ZNF536: variants seen among roughly 807,000 people sequenced by gnomAD.
ZNF536 encodes the protein zinc finger protein 536.
ZNF536 carries 13 observed loss-of-function variants against 84.5 expected under a neutral mutation model. That is an observed-to-expected ratio of 0.15 (90% CI 0.10 to 0.24). ZNF536 has a LOEUF of 0.24. ZNF536 is among the 10% of genes least tolerant of loss of function. The pLI is 1.00. For synonymous variants in ZNF536, 811 were observed against 742.5 expected, an observed-to-expected ratio of 1.09 and a Z score of -1.50; for missense variants, 1,536 against 1,747.5, an observed-to-expected ratio of 0.88 and a Z score of 2.16.
At chr19:30,468,647 TG>T (rs1456438504) in intron 2 of ZNF536, among the ~76,000 whole-genome samples, 3 of 151,742 alleles carry the variant, frequency 2.0e-5, no homozygotes, top group Non-Finnish European at 4.4e-5. Flanking sequence ...TTGGGAGAGC[TG>T]GGAAGGCACG....
chr19:30,675,385 C>A (rs1414220813), intron 1 of ZNF536, among the ~76,000 whole-genome samples: 1 of 152,180 alleles, frequency 6.6e-6, no homozygotes, highest in Non-Finnish European at 1.5e-5. Flanking sequence ...TGAGCAGAGA[C>A]AGGTGAGAAA....
chr19:30,449,417 C>G (rs1488695856), intron 2 of ZNF536, among the ~76,000 whole-genome samples: 3 of 152,282 alleles, frequency 2.0e-5, no homozygotes, highest in East Asian at 3.9e-4. Flanking sequence ...GGGCTGAGCT[C>G]GAATCCTCGC....
At chr19:30,398,963 C>T (rs1022278429) in intron 1 of ZNF536, among the ~76,000 whole-genome samples, 2 of 152,190 alleles carry the variant, frequency 1.3e-5, no homozygotes, top group Non-Finnish European at 2.9e-5. Flanking sequence ...AATGGGATTT[C>T]TAGTTCTAGA....
In ZNF536 at chr19:30,548,713, G is replaced by A. The variant is rs1213516131; in HGVS notation, c.3094G>A (p.Asp1032Asn). ...CCACCTGGGCAAAGCGAAACGCAAAGATAACACCATCGGGGTCACAGTCAA... is the reference window on the plus strand; with the variant it reads ...CCACCTGGGCAAAGCGAAACGCAAAAATAACACCATCGGGGTCACAGTCAA... ...ANHLGKAKRKDNTIGVTVNCK... is the reference protein window; with the variant it reads ...ANHLGKAKRKNNTIGVTVNCK... Residue 1032 changes from aspartate to asparagine, a missense_variant, in exon 4 of 5, where the codon GAT (aspartate) becomes AAT (asparagine). Physicochemically the swap from Asp to Asn is conservative, Grantham distance 23. Coordinates refer to ENST00000355537, the MANE Select transcript of ZNF536 (RefSeq NM_014717.3). 7.4e-6 allele frequency: 12 copies of A among 1,613,880 alleles called. No homozygotes were observed. Among genetic ancestry groups the A allele is most frequent in the Admixed American group, 1.7e-5 (1 of 60,000 alleles).
chr19:30,238,587 C>T (rs952920424), intron 1 of ZNF536, among the ~76,000 whole-genome samples: 1 of 152,020 alleles, frequency 6.6e-6, no homozygotes, highest in Non-Finnish European at 1.5e-5. Context: ...AAGGAGGTCC[C>T]TTCATTCCTT....
intron 2 of ZNF536, among the ~76,000 whole-genome samples, chr19:30,298,549 G>A (rs114382906): frequency 1.5e-3 from 223 of 152,288 alleles, no homozygotes; most frequent in African/African-American, 5.0e-3. Context: ...GCAGAAGAAC[G>A]GTGTGCTGAC....
At chr19:30,512,815 C>T (rs542639001) in intron 2 of ZNF536, among the ~76,000 whole-genome samples, 6 of 152,216 alleles carry the variant, frequency 3.9e-5, no homozygotes, top group African/African-American at 1.4e-4. Context: ...GAATTACTTT[C>T]TAGCAATCTA....
chr19:30,638,861 CTCTT>C (rs1260038096), intron 1 of ZNF536, among the ~76,000 whole-genome samples: 3 of 152,230 alleles, frequency 2.0e-5, no homozygotes, highest in Admixed American at 6.5e-5. Flanking sequence ...TTCCAGCTAA[CTCTT>C]TCTTGAAGTA....
chr19:30,238,935 G>A (rs1292575352), intron 1 of ZNF536, among the ~76,000 whole-genome samples: 1 of 152,092 alleles, frequency 6.6e-6, no homozygotes, highest in Non-Finnish European at 1.5e-5. Flanking sequence ...TAACACTTAA[G>A]CATGAAGTAT....
At chr19:30,408,762 C>T (rs752890563) in intron 1 of ZNF536, among the ~76,000 whole-genome samples, 1 of 151,402 alleles carries the variant, frequency 6.6e-6, no homozygotes, top group Non-Finnish European at 1.5e-5. Context: ...ATCATCCATC[C>T]ATCTATCCTT....
intron 2 of ZNF536, among the ~76,000 whole-genome samples, chr19:30,508,273 G>A (rs1212640773): frequency 6.6e-6 from 1 of 152,218 alleles, no homozygotes; most frequent in Non-Finnish European, 1.5e-5. Flanking sequence ...CACCATCTAG[G>A]CATGGGGACA....
chr19:30,641,711 T>A (rs1204581262), intron 1 of ZNF536, among the ~76,000 whole-genome samples: 1 of 152,206 alleles, frequency 6.6e-6, no homozygotes, highest in Admixed American at 6.5e-5. Flanking sequence ...AATATTTATA[T>A]CCTTTTTCAC....
chr19:30,292,143 T>C (rs954378949), intron 2 of ZNF536, among the ~76,000 whole-genome samples: 27 of 152,210 alleles, frequency 1.8e-4, no homozygotes, highest in Middle Eastern at 3.4e-3. Flanking sequence ...TTTAACCTCC[T>C]CTCTAATCCA....
intron 2 of ZNF536, among the ~76,000 whole-genome samples, chr19:30,504,031 C>T (rs1249287697): frequency 2.6e-5 from 4 of 151,502 alleles, no homozygotes; most frequent in African/African-American, 7.3e-5. Context: ...GAGTTAATAT[C>T]CTTAGCATAG....
At position 30,228,743 on chromosome 19, in the gene ZNF536, G is replaced by A. The variant is rs2022776122; in HGVS notation, c.-190+70G>A. 1 of 151,186 alleles carries A rather than the reference G, an allele frequency of 6.6e-6. No homozygotes were observed. Among genetic ancestry groups the A allele is most frequent in the South Asian group, 2.1e-4 (1 of 4,836 alleles). The allele number at this position is 151,186 out of a possible 1,614,324, so 9.4% of individuals were successfully genotyped here. On this transcript the variant is annotated intron_variant, in intron 1 of 5. Transcript: ENST00000585628. This position sits in a 1 kb window ranked among gnomAD's most constrained non-coding sequence, Gnocchi z 4.5. ...CAAAGCCGGGAGCGAGGTGCCGCGA[G>A]CTGCGCGCCGCCCCGGGCCGGCCTC...
intron 1 of ZNF536, among the ~76,000 whole-genome samples, chr19:30,577,382 T>C (rs2046776906): frequency 6.6e-6 from 1 of 152,196 alleles, no homozygotes. Context: ...GTTGGGGTAA[T>C]ATACTGTGCA....
At chr19:30,612,422 A>G (rs111847346) in intron 1 of ZNF536, among the ~76,000 whole-genome samples, 181 of 152,298 alleles carry the variant, frequency 1.2e-3, no homozygotes, top group African/African-American at 4.1e-3. Context: ...TTTACCAACC[A>G]GAGGAAACGG....
chr19:30,293,435 G>A (rs1053751221), intron 2 of ZNF536, among the ~76,000 whole-genome samples: 1 of 152,176 alleles, frequency 6.6e-6, no homozygotes, highest in African/African-American at 2.4e-5. Context: ...GATGTTGGGG[G>A]CTGCAGGAAA....
At chr19:30,454,923 C>T (rs2052768953) in intron 2 of ZNF536, among the ~76,000 whole-genome samples, 1 of 152,172 alleles carries the variant, frequency 6.6e-6, no homozygotes, top group African/African-American at 2.4e-5. Flanking sequence ...ATCCCAGCTA[C>T]TCGGGAGGCT....
Sources: gnomAD v4.1 joint callset for allele counts (sites outside exome capture counted in the v4.1 genomes callset) on GRCh38, gnomAD v4.1.1 for gene constraint, Gnocchi (gnomAD v3.1) non-coding constraint, MANE v1.5 for transcripts, NCBI Gene and HGNC (gene_info 2026-07-23, HGNC 2026-07-21) for gene names.